PPIL3: variants seen among roughly 807,000 people sequenced by gnomAD.
PPIL3 encodes peptidylprolyl isomerase like 3, also known as peptidyl-prolyl cis-trans isomerase-like 3.
A neutral mutation model predicts 20.9 loss-of-function variants in PPIL3; 13 were observed. The observed-to-expected ratio is 0.62, with a 90% CI of 0.40 to 0.99. The LOEUF is 0.99. Ranked by LOEUF, PPIL3 falls within the 50% of genes least tolerant of loss-of-function variation. PPIL3 has a pLI of 0.00. For synonymous variants in PPIL3, 71 were observed against 64.4 expected (o/e 1.10, Z -0.49); for missense variants, 170 against 195.2 (o/e 0.87, Z 0.77).
chr2:200,889,135 C>G, upstream of PPIL3: 1 of 442,110 alleles, frequency 2.3e-6, no homozygotes, highest in Non-Finnish European at 4.6e-6. Context: ...CCTCATCTTC[C>G]TATCTCAAAC....
chr2:200,888,339 C>T (rs2040046762), intron 1 of PPIL3: 1 of 152,222 alleles, frequency 6.6e-6, no homozygotes, highest in South Asian at 2.0e-4. Context: ...CCTGACAATC[C>T]TACACAGAAC....
intron 5 of PPIL3, among the ~76,000 whole-genome samples, chr2:200,879,677 A>G (rs917555870): frequency 2.0e-5 from 3 of 152,164 alleles, no homozygotes; most frequent in African/African-American, 7.2e-5. Context: ...TCTACAAAAA[A>G]TCAGAAATTA....
intron 6 of PPIL3, among the ~76,000 whole-genome samples, chr2:200,875,292 G>C (rs1342428894): frequency 6.6e-6 from 1 of 151,078 alleles, no homozygotes; most frequent in Admixed American, 6.6e-5. Flanking sequence ...TTTTTGAGAC[G>C]GAGTCTCGCT....
At chr2:200,886,465 G>A (rs905786026) in intron 2 of PPIL3, among the ~76,000 whole-genome samples, 3 of 148,078 alleles carry the variant, frequency 2.0e-5, no homozygotes, top group African/African-American at 7.5e-5. Context: ...TTGCTCTGTC[G>A]CCCACACTGG....
intron 4 of PPIL3, 41 bp downstream of exon 4, chr2:200,882,301 T>A (rs2039762723): frequency 7.9e-7 from 1 of 1,260,844 alleles, no homozygotes; most frequent in Non-Finnish European, 1.2e-6. Context: ...CTTCATACTA[T>A]ACATTCAGTT....
intron 1 of PPIL3, among the ~76,000 whole-genome samples, chr2:200,888,054 C>CAAA (rs59288201): frequency 0.051 from 5,223 of 102,944 alleles, 341 homozygotes; most frequent in African/African-American, 0.14. Context: ...GAGACTCCGT[C>CAAA]AAAAAAAAAA....
chr2:200,885,532 A>G (rs1188125142), intron 3 of PPIL3, 166 bp downstream of exon 3: 6 of 591,600 alleles, frequency 1.0e-5, no homozygotes, highest in African/African-American at 7.6e-5. Flanking sequence ...CACCTTTGAC[A>G]TTGGACAAAT....
intron 3 of PPIL3, among the ~76,000 whole-genome samples, chr2:200,882,650 C>T (rs532547225): frequency 3.9e-5 from 6 of 152,226 alleles, no homozygotes; most frequent in Admixed American, 6.5e-5. Context: ...TGGCTAACGC[C>T]GGTAATCCCA....
intron 2 of PPIL3, among the ~76,000 whole-genome samples, chr2:200,886,295 A>C (rs1009610820): frequency 3.9e-5 from 6 of 152,190 alleles, no homozygotes; most frequent in African/African-American, 1.2e-4. Context: ...AAATGTGCAG[A>C]GATAACCACA....
At chr2:200,873,541 A>T (rs1047830413) in intron 6 of PPIL3, among the ~76,000 whole-genome samples, 1 of 152,114 alleles carries the variant, frequency 6.6e-6, no homozygotes, top group African/African-American at 2.4e-5. Context: ...GAAGTAATAA[A>T]AATAGGAGAA....
chr2:200,878,162 C>T (rs1245545159), intron 5 of PPIL3, among the ~76,000 whole-genome samples: 1 of 152,126 alleles, frequency 6.6e-6, no homozygotes, highest in Non-Finnish European at 1.5e-5. Context: ...ATATTTAATA[C>T]ATACACAAAA....
At chr2:200,885,527 T>C (rs1017105135) in intron 3 of PPIL3, 171 bp downstream of exon 3, 7 of 583,946 alleles carry the variant, frequency 1.2e-5, no homozygotes, top group Admixed American at 7.2e-5. Context: ...TGATCCACCT[T>C]TGACATTGGA....
intron 6 of PPIL3, among the ~76,000 whole-genome samples, chr2:200,872,102 G>A (rs754919368): frequency 2.6e-5 from 4 of 152,104 alleles, no homozygotes; most frequent in Admixed American, 6.5e-5. Flanking sequence ...CCAGTTCCAA[G>A]TCCCGATTGT....
intron 6 of PPIL3, 46 bp from the exon 7 acceptor site, chr2:200,871,567 A>G: frequency 1.3e-6 from 2 of 1,531,636 alleles, no homozygotes; most frequent in Non-Finnish European, 1.8e-6. Context: ...TTAAATTGAA[A>G]CATGATATCC....
rs1008634713 is a variant in PPIL3 at position 200,881,409 on chromosome 2, T to C, written c.240+12A>G. 2.1e-5 allele frequency: 33 copies of C among 1,602,362 alleles called. No individual in the cohort carries two copies. The highest frequency in any genetic ancestry group is 2.7e-5 in the Non-Finnish European group (32 of 1,173,450). On this transcript the variant is annotated intron_variant, in intron 5 of 6. Coordinates refer to ENST00000392283, the MANE Select transcript of PPIL3 (RefSeq NM_130906.3). ...GCATGAGAAATAGATTTTTAAAGCA[T>C]TGAGGATTTACCTTAAGATATTCAC... is the stretch of plus-strand genomic sequence containing the variant.
At chr2:200,886,848 G>C (rs2039954706) in intron 2 of PPIL3, 2 of 152,074 alleles carry the variant, frequency 1.3e-5, no homozygotes, top group African/African-American at 4.8e-5. Context: ...TTTAAAAGTA[G>C]AGACGGGGGC....
At chr2:200,876,251 A>T (rs180946414) in intron 6 of PPIL3, among the ~76,000 whole-genome samples, 2 of 151,874 alleles carry the variant, frequency 1.3e-5, no homozygotes, top group African/African-American at 2.4e-5. Context: ...TTGAGGCTGC[A>T]ATGAGCCATG....
rs562241517 is a variant in PPIL3, at chr2:200,876,295, C to G, written c.359+624G>C. ...ACTGCACCATACTCCAGCCTGGCGA[C>G]AGAGCCTTTCGTCTCAAAAAAAGAA... On this transcript the variant is annotated intron_variant, in intron 6 of 6. Coordinates refer to ENST00000392283, the MANE Select transcript of PPIL3 (RefSeq NM_130906.3). Among the ~76,000 whole-genome samples, 3 of 151,696 alleles carry G rather than the reference C, an allele frequency of 2.0e-5. No individual in the cohort carries two copies. In the South Asian group the frequency reaches 6.3e-4, roughly 32 times the overall value.
chr2:200,876,881 T>A, intron 6 of PPIL3, 38 bp downstream of exon 6: 4 of 1,451,776 alleles, frequency 2.8e-6, no homozygotes, highest in Non-Finnish European at 3.9e-6. Flanking sequence ...ACCACTTGCA[T>A]TGAAATGCTA....
Sources: gnomAD v4.1 joint callset for allele counts (sites outside exome capture counted in the v4.1 genomes callset) on GRCh38, gnomAD v4.1.1 for gene constraint, MANE v1.5 for transcripts, NCBI Gene and HGNC (gene_info 2026-07-23, HGNC 2026-07-21) for gene names.